The following SEMA3A variants were observed in gnomAD, a reference collection of about 807,000 sequenced individuals.
SEMA3A encodes semaphorin 3A.
Under a neutral mutation model 97.9 loss-of-function variants are expected in SEMA3A, and 29 were observed. That is an observed-to-expected ratio of 0.30 (90% confidence interval 0.22 to 0.40). The LOEUF (loss-of-function observed/expected upper bound fraction) is 0.40. Among genes scored for constraint, SEMA3A ranks in the 10% least tolerant of loss-of-function variants. The pLI, the probability that SEMA3A is intolerant of heterozygous loss-of-function variation, is 1.00. For synonymous variants in SEMA3A, 321 were observed against 323.7 expected, an observed-to-expected ratio of 0.99 and a Z score of 0.09; for missense variants, 763 against 951.3, an observed-to-expected ratio of 0.80 and a Z score of 2.60.
chr7:84,129,809 TA>T (rs1795910271), intron 2 of SEMA3A, among the ~76,000 whole-genome samples: 1 of 150,628 alleles, frequency 6.6e-6, no homozygotes, highest in Admixed American at 6.7e-5. Flanking sequence ...AACAAACAAA[TA>T]GCTCTAAAAG....
chr7:84,194,409 T>A, intron 1 of SEMA3A, 66 bp downstream of exon 1: 4 of 1,003,376 alleles, frequency 4.0e-6, no homozygotes, highest in East Asian at 2.5e-5. Flanking sequence ...TGGGAGGGAG[T>A]TCAAGGAATT....
intron 3 of SEMA3A, among the ~76,000 whole-genome samples, chr7:84,233,534 A>C (rs1799164379): frequency 6.6e-6 from 1 of 152,036 alleles, no homozygotes; most frequent in African/African-American, 2.4e-5. Context: ...TGAGAAATGA[A>C]AATTGTTTAT....
chr7:84,403,488 A>C (rs1803966985), intron 1 of SEMA3A, among the ~76,000 whole-genome samples: 1 of 152,180 alleles, frequency 6.6e-6, no homozygotes, highest in Admixed American at 6.5e-5. Flanking sequence ...AGACGAACAA[A>C]AGATAGCAAT....
chr7:84,062,645 AG>A (rs1265507764), intron 4 of SEMA3A, among the ~76,000 whole-genome samples: 1 of 152,198 alleles, frequency 6.6e-6, no homozygotes, highest in Non-Finnish European at 1.5e-5. Flanking sequence ...TCTGAGTCAA[AG>A]AAAGGGGTGA....
chr7:84,354,412 A>C lies in SEMA3A; in HGVS notation c.-169+17412T>G, dbSNP rs377503565. On this transcript the variant is annotated intron_variant, in intron 2 of 3. Transcript: ENST00000424555. ...TACTAGTAATTGTAAGATGGTATGA[A>C]TCTGTATTATTTTTACCCATTCAAT... Among the ~76,000 whole-genome samples the C allele has an allele frequency of 2.2e-4, 34 of 151,760 alleles. 1 individual carries two copies. Among genetic ancestry groups the C allele is most frequent in the African/African-American group, 7.9e-4 (33 of 41,520 alleles).
chr7:84,314,808 C>A (rs1391929513), intron 2 of SEMA3A, among the ~76,000 whole-genome samples: 1 of 152,038 alleles, frequency 6.6e-6, no homozygotes, highest in Non-Finnish European at 1.5e-5. Context: ...CTTAATACAG[C>A]AAGAATTTGA....
intron 1 of SEMA3A, among the ~76,000 whole-genome samples, chr7:84,177,826 C>A (rs1476538033): frequency 6.6e-6 from 1 of 152,034 alleles, no homozygotes; most frequent in East Asian, 1.9e-4. Context: ...TACTTCCACC[C>A]CTTTAAATGT....
chr7:84,248,678 G>T (rs932689939), intron 3 of SEMA3A, among the ~76,000 whole-genome samples: 1 of 152,028 alleles, frequency 6.6e-6, no homozygotes, highest in Non-Finnish European at 1.5e-5. Flanking sequence ...GTGTTAAAAG[G>T]TTTTCTCTAA....
intron 1 of SEMA3A, among the ~76,000 whole-genome samples, chr7:84,489,362 C>T (rs1806662118): frequency 6.6e-6 from 1 of 152,086 alleles, no homozygotes. Flanking sequence ...CAGAGCCAAA[C>T]CATATCACTA....
At chr7:84,356,893 A>T (rs1331585729) in intron 2 of SEMA3A, among the ~76,000 whole-genome samples, 1 of 151,790 alleles carries the variant, frequency 6.6e-6, no homozygotes, top group Non-Finnish European at 1.5e-5. Context: ...CTGTACAATG[A>T]TATTTAAGTT....
intron 15 of SEMA3A, among the ~76,000 whole-genome samples, chr7:83,969,317 C>T (rs987818533): frequency 3.3e-5 from 5 of 151,834 alleles, no homozygotes; most frequent in African/African-American, 1.2e-4. Context: ...ATCCTACTCC[C>T]CTACAACCAT....
At chr7:84,163,125 T>C (rs1797092690) in intron 1 of SEMA3A, among the ~76,000 whole-genome samples, 1 of 152,160 alleles carries the variant, frequency 6.6e-6, no homozygotes, top group Admixed American at 6.5e-5. Flanking sequence ...GGTAAAATAA[T>C]TTGTCAAAAT....
chr7:84,422,955 C>T (rs1804641427), intron 1 of SEMA3A, among the ~76,000 whole-genome samples: 1 of 151,974 alleles, frequency 6.6e-6, no homozygotes, highest in Admixed American at 6.6e-5. Context: ...ATGTTATGCT[C>T]CTTCTTACTG....
intron 2 of SEMA3A, among the ~76,000 whole-genome samples, chr7:84,354,203 C>T (rs554011623): frequency 3.3e-5 from 5 of 151,486 alleles, no homozygotes; most frequent in South Asian, 2.1e-4. Flanking sequence ...ATGTATTTCC[C>T]TCAGTATGAA....
At chr7:84,174,790 C>T (rs1051939965) in intron 1 of SEMA3A, among the ~76,000 whole-genome samples, 3 of 152,046 alleles carry the variant, frequency 2.0e-5, no homozygotes, top group East Asian at 1.9e-4. Context: ...GTAGTCAATA[C>T]GCTTAGAAGA....
At chr7:84,174,022 C>T (rs1346810467) in intron 1 of SEMA3A, among the ~76,000 whole-genome samples, 1 of 152,076 alleles carries the variant, frequency 6.6e-6, no homozygotes, top group African/African-American at 2.4e-5. Context: ...AACATTAGCA[C>T]TGAGGTGTGA....
intron 1 of SEMA3A, among the ~76,000 whole-genome samples, chr7:84,189,115 A>G (rs1797966627): frequency 1.3e-5 from 2 of 151,862 alleles, no homozygotes; most frequent in Admixed American, 1.3e-4. Flanking sequence ...AGTCATCCCA[A>G]GAATCACACT....
chr7:84,011,089 C>A lies in SEMA3A; in HGVS notation c.928G>T (p.Asp310Tyr). The A allele has an allele frequency of 2.5e-6, 4 of 1,611,588 alleles. No homozygotes were observed. Among genetic ancestry groups the A allele is most frequent in the Non-Finnish European group, 3.4e-6 (4 of 1,178,002 alleles). ...GIDTHFDELQ[D>Y]VFLMNFKDPK... is the part of the protein sequence containing the mutation. ...TCTTTAAAGTTCATTAGGAATACAT[C>A]CTCTGTTTAAAAACAAAATTGGAGA... is the stretch of plus-strand genomic sequence containing the variant. The change falls in exon 9 of 17, where the codon GAT becomes TAT. Residue 310 changes from aspartate to tyrosine, a missense_variant and splice_region_variant. Physicochemically the swap from Asp to Tyr is radical, Grantham distance 160 (BLOSUM62 -3). Transcript: ENST00000265362.
At chr7:84,346,584 C>T (rs185650726) in intron 2 of SEMA3A, among the ~76,000 whole-genome samples, 262 of 152,230 alleles carry the variant, frequency 1.7e-3, no homozygotes, top group African/African-American at 6.0e-3. Flanking sequence ...AAGGGACAGA[C>T]ATCGATAAAT....
Sources: gnomAD v4.1 joint callset for allele counts (sites outside exome capture counted in the v4.1 genomes callset) on GRCh38, gnomAD v4.1.1 for gene constraint, MANE v1.5 for transcripts, NCBI Gene and HGNC (gene_info 2026-07-23, HGNC 2026-07-21) for gene names.